QTMAN: variants seen among roughly 807,000 people sequenced by gnomAD.
QTMAN encodes the protein tRNA-queuosine alpha-mannosyltransferase.
At chr2:144,156,020 C>G in the QTMAN span, among the ~76,000 whole-genome samples, 16 of 152,052 alleles carry the variant, frequency 1.1e-4, no homozygotes, top group African/African-American at 3.6e-4. Flanking sequence ...TAAAATATAT[C>G]CTAAATATTC....
At chr2:144,021,144 C>T in the QTMAN span, among the ~76,000 whole-genome samples, 1 of 151,060 alleles carries the variant, frequency 6.6e-6, no homozygotes, top group African/African-American at 2.4e-5. Context: ...AATAAAGGAA[C>T]CAAAATTCAA....
chr2:144,302,753 A>G, the QTMAN span, among the ~76,000 whole-genome samples: 2 of 152,192 alleles, frequency 1.3e-5, no homozygotes, highest in East Asian at 3.8e-4. Context: ...AATATTCAAG[A>G]ACTATAACCT....
At chr2:144,177,105 A>G in the QTMAN span, 194 of 700,006 alleles carry the variant, frequency 2.8e-4, 4 homozygotes, top group Middle Eastern at 1.5e-3. Flanking sequence ...ATCCACCTCC[A>G]TGATCCAATC....
the QTMAN span, among the ~76,000 whole-genome samples, chr2:143,976,800 CT>C: frequency 6.6e-6 from 1 of 152,208 alleles, no homozygotes; most frequent in African/African-American, 2.4e-5. Context: ...CCATCATTTA[CT>C]TAAGAGTTGA....
chr2:144,007,293 G>C, the QTMAN span: 6 of 1,613,050 alleles, frequency 3.7e-6, no homozygotes, highest in Non-Finnish European at 5.1e-6. Context: ...ATGAGAGCTT[G>C]AATTATCTGA....
the QTMAN span, among the ~76,000 whole-genome samples, chr2:144,155,381 C>T: frequency 2.6e-5 from 4 of 152,166 alleles, no homozygotes; most frequent in South Asian, 2.1e-4. Flanking sequence ...ATCTAACTTG[C>T]TGAGTGTGCT....
chr2:144,127,780 G>A, the QTMAN span: 1 of 152,014 alleles, frequency 6.6e-6, no homozygotes, highest in Non-Finnish European at 1.5e-5. Flanking sequence ...AGTCTGAACA[G>A]GTGACATAAG....
chr2:144,186,321 A>C, the QTMAN span, among the ~76,000 whole-genome samples: 3 of 152,224 alleles, frequency 2.0e-5, no homozygotes, highest in Admixed American at 2.0e-4. Context: ...AGATATAAAA[A>C]TCAGGCACTG....
chr2:144,314,420 T>G, the QTMAN span, among the ~76,000 whole-genome samples: 2 of 152,070 alleles, frequency 1.3e-5, no homozygotes. Flanking sequence ...ATAGAAACAG[T>G]GCATTAAGGG....
the QTMAN span, among the ~76,000 whole-genome samples, chr2:144,250,816 T>C: frequency 6.6e-6 from 1 of 150,630 alleles, no homozygotes; most frequent in African/African-American, 2.4e-5. Flanking sequence ...TCTAGCTCAA[T>C]TCATTTCACA....
the QTMAN span, among the ~76,000 whole-genome samples, chr2:144,016,222 C>A: frequency 6.6e-6 from 1 of 152,052 alleles, no homozygotes; most frequent in Non-Finnish European, 1.5e-5. Context: ...GTCTGTTAAC[C>A]CCCCAAATTG....
the QTMAN span, among the ~76,000 whole-genome samples, chr2:144,100,811 AAT>A: frequency 6.6e-6 from 1 of 151,600 alleles, no homozygotes; most frequent in Non-Finnish European, 1.5e-5. Flanking sequence ...ACTTGGCTAC[AAT>A]ATTTCACATA....
chr2:144,301,267 G>A, the QTMAN span, among the ~76,000 whole-genome samples: 1 of 152,066 alleles, frequency 6.6e-6, no homozygotes, highest in Non-Finnish European at 1.5e-5. Flanking sequence ...CTGTTACCCA[G>A]GCTGGAGTGC....
chr2:144,110,340 A>G, the QTMAN span, among the ~76,000 whole-genome samples: 4 of 152,130 alleles, frequency 2.6e-5, no homozygotes, highest in Non-Finnish European at 5.9e-5. Context: ...GAACTGAACA[A>G]TGAGAACACT....
the QTMAN span, chr2:144,141,974 C>G: frequency 6.2e-7 from 1 of 1,610,510 alleles, no homozygotes; most frequent in South Asian, 1.1e-5. Flanking sequence ...GATCAGGAAT[C>G]AGCTTCATAA....
At chr2:144,294,709 T>C in the QTMAN span, among the ~76,000 whole-genome samples, 1 of 152,120 alleles carries the variant, frequency 6.6e-6, no homozygotes, top group Non-Finnish European at 1.5e-5. Flanking sequence ...CTTCAATAAG[T>C]AAAAGAGTCT....
At chr2:144,240,361 T>G in the QTMAN span, among the ~76,000 whole-genome samples, 2 of 152,196 alleles carry the variant, frequency 1.3e-5, no homozygotes, top group Non-Finnish European at 2.9e-5. Flanking sequence ...TTTGTATATA[T>G]TTACCAACTG....
At chr2:143,991,720 G>A in the QTMAN span, among the ~76,000 whole-genome samples, 36 of 134,394 alleles carry the variant, frequency 2.7e-4, no homozygotes, top group Non-Finnish European at 4.9e-4. Flanking sequence ...CAGTCGCCCC[G>A]TCCGGGAGGG....
chr2:144,023,568 T>C, the QTMAN span, among the ~76,000 whole-genome samples: 2 of 152,330 alleles, frequency 1.3e-5, no homozygotes, highest in South Asian at 2.1e-4. Context: ...GTGAACATTA[T>C]TGTGAGGTTC....
Sources: gnomAD v4.1 joint callset for allele counts (sites outside exome capture counted in the v4.1 genomes callset) on GRCh38, gnomAD v4.1.1 for gene constraint, MANE v1.5 for transcripts, NCBI Gene and HGNC (gene_info 2026-07-23, HGNC 2026-07-21) for gene names.